The following SPTBN1 variants were observed in gnomAD, a reference collection of about 807,000 sequenced individuals.
SPTBN1 encodes the protein spectrin beta chain, non-erythrocytic 1.
SPTBN1 carries 32 observed loss-of-function variants against 266.4 expected under a neutral mutation model. That is an observed-to-expected ratio of 0.12 (90% CI 0.09 to 0.16). The LOEUF is 0.16. Ranked by LOEUF, SPTBN1 falls within the 10% of genes least tolerant of loss-of-function variation. The pLI, the probability that SPTBN1 is intolerant of heterozygous loss-of-function variation, is 1.00. For missense variants in SPTBN1, 2,296 were observed against 3,067.1 expected, an observed-to-expected ratio of 0.75 and a Z score of 5.94; for synonymous variants, 1,336 against 1,162.2, an observed-to-expected ratio of 1.15 and a Z score of -3.04.
rs531097054 is a variant in SPTBN1, at chr2:54,547,398, GC to G, written c.148+20833del. 2.4e-3 allele frequency among the ~76,000 whole-genome samples: 364 copies of G among 152,174 alleles called. 3 individuals carry two copies. The highest frequency in any genetic ancestry group is 8.4e-3 in the African/African-American group (349 of 41,510). On this transcript the variant is annotated intron_variant, in intron 2 of 35. Transcript: ENST00000356805. ...ATTAGAGTTTTCACCTCTTGCTATT[GC>G]GAATGATACTGCAATGAACATAGGA...
At chr2:54,601,096 G>T (rs1234289859) in intron 3 of SPTBN1, among the ~76,000 whole-genome samples, 1 of 151,930 alleles carries the variant, frequency 6.6e-6, no homozygotes, top group Non-Finnish European at 1.5e-5. Flanking sequence ...AAGTTTTTTT[G>T]TGGCAACCCA....
Position 54,642,926 on chromosome 2 carries a change from G to A in SPTBN1, c.3859-57G>A, listed in dbSNP as rs75613975. 119 of 1,577,434 alleles carry A rather than the reference G, an allele frequency of 7.5e-5. No individual in the cohort carries two copies. The East Asian group carries it at 1.9e-3, about 25-fold the overall frequency. ...GACATAAACACAACCCTTTCCAGGC[G>A]GAAAAAAGGCTGATGTCTAGGATCA... On this transcript the variant is annotated intron_variant, in intron 18 of 35. Transcript: ENST00000356805.
At chr2:54,580,398 T>A (rs1484539949) in intron 2 of SPTBN1, among the ~76,000 whole-genome samples, 1 of 152,214 alleles carries the variant, frequency 6.6e-6, no homozygotes, top group Non-Finnish European at 1.5e-5. Flanking sequence ...GGCATTTTTA[T>A]CTTGTATACC....
chr2:54,630,312 G>A (rs1220596623), intron 15 of SPTBN1, among the ~76,000 whole-genome samples: 2 of 152,180 alleles, frequency 1.3e-5, no homozygotes, highest in African/African-American at 2.4e-5. Context: ...CAGTGTAGAA[G>A]GTATTAAGAT....
chr2:54,645,887 C>A lies in SPTBN1; in HGVS notation c.4495-41C>A, dbSNP rs762450110. The A allele has an allele frequency of 6.2e-7, 1 of 1,604,008 alleles. No individual in the cohort carries two copies. Among genetic ancestry groups the A allele is most frequent in the Non-Finnish European group, 8.5e-7 (1 of 1,171,260 alleles). ...TGCTCGTTTGTGTCGTATATTTGTT[C>A]CTCTGAGTGGATCTGACCACTTATT... On this transcript the variant is annotated intron_variant, in intron 21 of 35. Transcript: ENST00000356805. The surrounding 1 kb of genome is among the most constrained non-coding windows in gnomAD (Gnocchi z 4.3).
intron 1 of SPTBN1, among the ~76,000 whole-genome samples, chr2:54,480,979 T>A (rs1045378471): frequency 3.5e-4 from 53 of 152,128 alleles, no homozygotes; most frequent in Admixed American, 3.4e-3. Context: ...ATATTTCACT[T>A]GTCAATGTAG....
chr2:54,656,104 G>A (rs760585164), intron 29 of SPTBN1, 106 bp downstream of exon 29: 6 of 962,624 alleles, frequency 6.2e-6, no homozygotes, highest in Admixed American at 2.5e-5. Flanking sequence ...GATTGTTCGA[G>A]TTGTAGATGC....
intron 1 of SPTBN1, among the ~76,000 whole-genome samples, chr2:54,472,316 T>C (rs1693971148): frequency 6.6e-6 from 1 of 152,146 alleles, no homozygotes; most frequent in Non-Finnish European, 1.5e-5. Context: ...CATGAGCCAC[T>C]GCGCCCAGCC....
At chr2:54,508,273 G>T (rs1669678704) in intron 1 of SPTBN1, among the ~76,000 whole-genome samples, 1 of 152,186 alleles carries the variant, frequency 6.6e-6, no homozygotes, top group Admixed American at 6.5e-5. Flanking sequence ...TGTGGGAAAG[G>T]CCTCTACCCA....
At chr2:54,536,773 T>C (rs1671631690) in intron 2 of SPTBN1, among the ~76,000 whole-genome samples, 1 of 152,174 alleles carries the variant, frequency 6.6e-6, no homozygotes, top group Non-Finnish European at 1.5e-5. Context: ...GGTTCATGCC[T>C]GTTATCCCAG....
intron 1 of SPTBN1, among the ~76,000 whole-genome samples, chr2:54,472,239 G>T (rs1693966804): frequency 6.6e-6 from 1 of 151,986 alleles, no homozygotes; most frequent in Non-Finnish European, 1.5e-5. Context: ...ATGTTAGCCA[G>T]GATGGTCTCG....
intron 1 of SPTBN1, among the ~76,000 whole-genome samples, chr2:54,515,172 A>G (rs544887851): frequency 4.6e-5 from 7 of 152,182 alleles, no homozygotes; most frequent in South Asian, 2.1e-4. Flanking sequence ...GACTGACTCA[A>G]TGCAAGAGGA....
chr2:54,530,182 A>G (rs1365073818), intron 2 of SPTBN1, among the ~76,000 whole-genome samples: 1 of 151,986 alleles, frequency 6.6e-6, no homozygotes, highest in Non-Finnish European at 1.5e-5. Context: ...TCATCTTTTA[A>G]TGGTGTAGTT....
chr2:54,507,714 A>G (rs1035160579), intron 1 of SPTBN1, among the ~76,000 whole-genome samples: 5 of 151,746 alleles, frequency 3.3e-5, no homozygotes, highest in African/African-American at 4.8e-5. Context: ...TTTAGGCTCT[A>G]TCTTTGAGTT....
At chr2:54,494,005 C>A (rs1435619356) in intron 1 of SPTBN1, among the ~76,000 whole-genome samples, 1 of 152,180 alleles carries the variant, frequency 6.6e-6, no homozygotes, top group Admixed American at 6.5e-5. Flanking sequence ...ATCACAGTGT[C>A]ATGCTCTTTC....
intron 2 of SPTBN1, among the ~76,000 whole-genome samples, chr2:54,532,245 C>T (rs754512509): frequency 1.3e-5 from 2 of 152,118 alleles, no homozygotes; most frequent in Admixed American, 6.5e-5. Flanking sequence ...GCCGAGATCA[C>T]GCCACTGCAC....
In SPTBN1 at chr2:54,633,408, C is replaced by CGT. The variant is rs370440106; in HGVS notation, c.3767+656_3767+657dup. 3.8e-3 allele frequency among the ~76,000 whole-genome samples: 558 copies of CGT among 146,750 alleles called. 5 individuals carry two copies. The South Asian group carries it at 0.042, about 11-fold the overall frequency. On this transcript the variant is annotated intron_variant, in intron 17 of 35. Transcript: ENST00000356805. ...TTGTTTAAAATTATTTTTTTATTTA[C>CGT]GTGTGTGTGTGTGTGTGCGTGTGTG... is the stretch of plus-strand genomic sequence containing the variant.
At chr2:54,504,180 C>T (rs901105515) in intron 1 of SPTBN1, among the ~76,000 whole-genome samples, 2 of 152,194 alleles carry the variant, frequency 1.3e-5, no homozygotes, top group African/African-American at 4.8e-5. Context: ...GGTGCCCCCA[C>T]CTCCCCTCCT....
chr2:54,473,237 G>T (rs571371963), intron 1 of SPTBN1, among the ~76,000 whole-genome samples: 2 of 152,216 alleles, frequency 1.3e-5, no homozygotes, highest in South Asian at 4.1e-4. Flanking sequence ...GTACTTTTTG[G>T]TCAATAGAAT....
Sources: gnomAD v4.1 joint callset for allele counts (sites outside exome capture counted in the v4.1 genomes callset) on GRCh38, gnomAD v4.1.1 for gene constraint, Gnocchi (gnomAD v3.1) non-coding constraint, MANE v1.5 for transcripts, NCBI Gene and HGNC (gene_info 2026-07-23, HGNC 2026-07-21) for gene names.